RIT2: variants seen among roughly 807,000 people sequenced by gnomAD.
RIT2 encodes GTP-binding protein Rit2.
Under a neutral mutation model 23.7 loss-of-function variants are expected in RIT2, and 24 were observed. That is an observed-to-expected ratio of 1.01 (90% CI 0.73 to 1.43). The LOEUF (loss-of-function observed/expected upper bound fraction) is 1.43, where lower values mean the gene tolerates loss of function less well. Ranked by LOEUF, RIT2 falls within the 40% of genes most tolerant of loss-of-function variation. RIT2 has a pLI of 0.00. For synonymous variants in RIT2, 107 were observed against 91.1 expected, an observed-to-expected ratio of 1.17 and a Z score of -0.99; for missense variants, 236 against 266.9, an observed-to-expected ratio of 0.88 and a Z score of 0.81.
Position 42,893,213 on chromosome 18 carries a change from G to A in RIT2, c.426+30359C>T, listed in dbSNP as rs564490777. ...TGCACTCCAGCCTGGGAAACAGAGC[G>A]AGACTCCGTCTCAAAAAAAAAAAAA... On this transcript the variant is annotated intron_variant, in intron 4 of 4. Transcript: ENST00000326695. 8.5e-5 allele frequency among the ~76,000 whole-genome samples: 10 copies of A among 117,278 alleles called. No individual in the cohort carries two copies. The Admixed American group carries it at 8.8e-4, about 10-fold the overall frequency. The allele number at this position is 117,278 out of a possible 152,430, so 76.9% of individuals were successfully genotyped here.
chr18:42,838,385 T>A (rs913858170), intron 4 of RIT2, among the ~76,000 whole-genome samples: 4 of 152,172 alleles, frequency 2.6e-5, no homozygotes, highest in Non-Finnish European at 5.9e-5. Context: ...CTGATGGATT[T>A]TTAAAATAAC....
chr18:43,052,583 C>T lies in RIT2; in HGVS notation c.104-18716G>A, dbSNP rs75585982. On this transcript the variant is annotated intron_variant, in intron 1 of 4. Coordinates refer to ENST00000326695, the MANE Select transcript of RIT2 (RefSeq NM_002930.4). ...CCTAATCTGTTAGCCTGAATTTGAA[C>T]GAAAAAGTCCAGGGGCTGGTGATTT... Among the ~76,000 whole-genome samples, 719 of 152,142 alleles carry T rather than the reference C, an allele frequency of 4.7e-3. 7 individuals carry two copies. The highest frequency in any genetic ancestry group is 0.015 in the African/African-American group (619 of 41,518).
chr18:42,860,673 AT>A (rs1328095278), intron 4 of RIT2, among the ~76,000 whole-genome samples: 4 of 152,214 alleles, frequency 2.6e-5, no homozygotes, highest in Non-Finnish European at 5.9e-5. Context: ...AAAAATTTCC[AT>A]CAGTTTCTAT....
At chr18:42,889,629 G>T (rs1908118800) in intron 4 of RIT2, among the ~76,000 whole-genome samples, 3 of 151,974 alleles carry the variant, frequency 2.0e-5, no homozygotes, top group Admixed American at 1.3e-4. Context: ...ATGGATTAGT[G>T]ATAGCAAATA....
At chr18:42,780,246 A>T (rs1332312046) in intron 4 of RIT2, among the ~76,000 whole-genome samples, 1 of 151,884 alleles carries the variant, frequency 6.6e-6, no homozygotes, top group Non-Finnish European at 1.5e-5. Flanking sequence ...TAAAGGCAGG[A>T]CATCTGGAAG....
At chr18:42,802,163 A>G (rs1053870289) in intron 4 of RIT2, among the ~76,000 whole-genome samples, 2 of 152,178 alleles carry the variant, frequency 1.3e-5, no homozygotes, top group Admixed American at 1.3e-4. Context: ...TAAAAGCATG[A>G]ATTTTAATTA....
intron 4 of RIT2, among the ~76,000 whole-genome samples, chr18:42,903,616 T>C (rs473329): frequency 0.92 from 140,512 of 152,128 alleles, 64,924 homozygotes; most frequent in East Asian, 1. Flanking sequence ...AAATCTTCAC[T>C]TCAATCCATG....
In RIT2 at chr18:43,114,768, A is replaced by G. The variant is rs116507149; in HGVS notation, c.103+649T>C. ...AAGAAATTTGCTATTCTTCATCTCTATTATCACCTCATCTTCATTTATTTG... is the reference window on the plus strand; with the variant it reads ...AAGAAATTTGCTATTCTTCATCTCTGTTATCACCTCATCTTCATTTATTTG... On this transcript the variant is annotated intron_variant, in intron 1 of 4. Coordinates refer to ENST00000326695, the MANE Select transcript of RIT2 (RefSeq NM_002930.4). Among the ~76,000 whole-genome samples, 512 of 152,212 alleles carry G rather than the reference A, an allele frequency of 3.4e-3. 3 individuals carry two copies. The highest frequency in any genetic ancestry group is 0.012 in the African/African-American group (484 of 41,530).
At chr18:42,791,946 C>G (rs192938953) in intron 4 of RIT2, among the ~76,000 whole-genome samples, 16 of 152,248 alleles carry the variant, frequency 1.1e-4, no homozygotes, top group African/African-American at 3.9e-4. Context: ...AATAAAACAT[C>G]ATAAGGATTT....
intron 1 of RIT2, among the ~76,000 whole-genome samples, chr18:43,057,798 CTTTT>C (rs11393575): frequency 8.2e-6 from 1 of 122,672 alleles, no homozygotes; most frequent in African/African-American, 3.0e-5. Flanking sequence ...GTGATGGACA[CTTTT>C]TTTTTTTTTT....
intron 2 of RIT2, among the ~76,000 whole-genome samples, chr18:43,030,989 C>A (rs935659318): frequency 6.6e-6 from 1 of 151,898 alleles, no homozygotes; most frequent in Non-Finnish European, 1.5e-5. Flanking sequence ...GGTATCTAAA[C>A]CCTTAGCCAG....
At chr18:42,746,660 A>C (rs999815257) in intron 4 of RIT2, among the ~76,000 whole-genome samples, 5 of 152,100 alleles carry the variant, frequency 3.3e-5, no homozygotes, top group African/African-American at 1.2e-4. Context: ...CAGCAATTGA[A>C]AGAACTGGTA....
intron 1 of RIT2, among the ~76,000 whole-genome samples, chr18:43,062,215 GA>G (rs553192727): frequency 3.3e-5 from 5 of 150,524 alleles, no homozygotes; most frequent in East Asian, 3.9e-4. Flanking sequence ...ATGGATGGAT[GA>G]AAAAAAAATA....
Position 42,892,135 on chromosome 18 carries a change from A to T in RIT2, c.426+31437T>A, listed in dbSNP as rs139176050. ...GCCCAGGTCAGTGTTACATTCTGCC[A>T]AGGTTCATGCTCGCCTCCTCCAATC... On this transcript the variant is annotated intron_variant, in intron 4 of 4. Transcript: ENST00000326695. Among the ~76,000 whole-genome samples, 38 of 152,254 alleles carry T rather than the reference A, an allele frequency of 2.5e-4. 1 individual carries two copies. The East Asian group carries it at 6.2e-3, about 25-fold the overall frequency.
At chr18:43,111,487 G>GT (rs1913952146) in intron 1 of RIT2, among the ~76,000 whole-genome samples, 1 of 152,058 alleles carries the variant, frequency 6.6e-6, no homozygotes, top group African/African-American at 2.4e-5. Context: ...AATGTTTGAG[G>GT]TGATGGATAC....
chr18:43,047,863 A>T (rs558749571), intron 1 of RIT2, among the ~76,000 whole-genome samples: 13 of 152,286 alleles, frequency 8.5e-5, no homozygotes, highest in Admixed American at 3.3e-4. Flanking sequence ...TTAATAAATT[A>T]CATTACACAA....
At chr18:42,897,491 T>C (rs999069937) in intron 4 of RIT2, among the ~76,000 whole-genome samples, 4 of 152,200 alleles carry the variant, frequency 2.6e-5, no homozygotes, top group African/African-American at 9.7e-5. Context: ...ACCACATGCA[T>C]TCCTAATGCA....
At chr18:42,879,621 T>C (rs945197285) in intron 4 of RIT2, among the ~76,000 whole-genome samples, 1 of 152,144 alleles carries the variant, frequency 6.6e-6, no homozygotes, top group Admixed American at 6.5e-5. Flanking sequence ...TGTTACTTTT[T>C]TGAGTTTTTT....
At chr18:43,018,484 A>T (rs1911523652) in intron 2 of RIT2, among the ~76,000 whole-genome samples, 1 of 152,046 alleles carries the variant, frequency 6.6e-6, no homozygotes, top group Non-Finnish European at 1.5e-5. Flanking sequence ...AATTAAATGT[A>T]TCCCCAAATC....
Sources: gnomAD v4.1 joint callset for allele counts (sites outside exome capture counted in the v4.1 genomes callset) on GRCh38, gnomAD v4.1.1 for gene constraint, MANE v1.5 for transcripts, NCBI Gene and HGNC (gene_info 2026-07-23, HGNC 2026-07-21) for gene names.